The following CSMD1 variants were observed in gnomAD, a reference collection of about 807,000 sequenced individuals.
The protein encoded by CSMD1 is CUB and Sushi multiple domains 1.
A neutral mutation model predicts 417.5 loss-of-function variants in CSMD1; 213 were observed. The observed-to-expected ratio is 0.51, with a 90% CI of 0.46 to 0.57. CSMD1 has a LOEUF of 0.57. Among genes scored for constraint, CSMD1 ranks in the 20% least tolerant of loss-of-function variants. The pLI is 0.00. For synonymous variants in CSMD1, 2,862 were observed against 1,736.8 expected (o/e 1.65, Z -16.11); for missense variants, 6,923 against 4,529.7 (o/e 1.53, Z -15.17).
At chr8:3,455,390 G>T (rs760521023) in intron 12 of CSMD1, among the ~76,000 whole-genome samples, 1 of 152,220 alleles carries the variant, frequency 6.6e-6, no homozygotes, top group Non-Finnish European at 1.5e-5. Flanking sequence ...GAGGCACTCT[G>T]ATTTTTAGAG....
At chr8:4,275,243 A>T (rs1796413549) in intron 3 of CSMD1, among the ~76,000 whole-genome samples, 1 of 152,152 alleles carries the variant, frequency 6.6e-6, no homozygotes, top group Admixed American at 6.5e-5. Flanking sequence ...TTTACAAATA[A>T]ATATGGGCGA....
chr8:4,823,983 G>A lies in CSMD1; in HGVS notation c.85+170349C>T, dbSNP rs189624267. On this transcript the variant is annotated intron_variant, in intron 1 of 69. Transcript: ENST00000635120. ...GTGCACACATACACACCCACGCATG[G>A]ACACACACATATACAATCATGGACA... Among the ~76,000 whole-genome samples the A allele has an allele frequency of 1.0e-3, 155 of 151,332 alleles. 2 individuals carry two copies. Among genetic ancestry groups the A allele is most frequent in the African/African-American group, 3.7e-3 (151 of 41,278 alleles).
At chr8:4,804,783 A>T (rs1798498783) in intron 1 of CSMD1, among the ~76,000 whole-genome samples, 1 of 152,198 alleles carries the variant, frequency 6.6e-6, no homozygotes, top group Admixed American at 6.5e-5. Context: ...TGTTTACATG[A>T]TACAATTTAT....
At chr8:4,854,051 G>C (rs753832359) in intron 1 of CSMD1, among the ~76,000 whole-genome samples, 4 of 152,026 alleles carry the variant, frequency 2.6e-5, no homozygotes, top group Non-Finnish European at 5.9e-5. Flanking sequence ...TTATTTTACA[G>C]TCTCACAGGG....
chr8:4,595,522 A>T (rs1003487779), intron 2 of CSMD1, among the ~76,000 whole-genome samples: 11 of 152,030 alleles, frequency 7.2e-5, no homozygotes, highest in African/African-American at 2.7e-4. Context: ...CTTCATGCTA[A>T]TGTCTACTGT....
intron 7 of CSMD1, among the ~76,000 whole-genome samples, chr8:3,658,158 G>C (rs980654582): frequency 1.3e-5 from 2 of 152,022 alleles, no homozygotes; most frequent in Admixed American, 6.6e-5. Context: ...ATCTCTCTCA[G>C]AATGTAACTC....
chr8:4,458,982 G>C (rs146333437), intron 2 of CSMD1, among the ~76,000 whole-genome samples: 1 of 152,194 alleles, frequency 6.6e-6, no homozygotes, highest in Non-Finnish European at 1.5e-5. Flanking sequence ...GAACATCTCA[G>C]TGAGGATTCA....
chr8:4,039,514 G>T (rs1485619614), intron 3 of CSMD1, among the ~76,000 whole-genome samples: 1 of 152,146 alleles, frequency 6.6e-6, no homozygotes, highest in Non-Finnish European at 1.5e-5. Context: ...AAAGGAGAAG[G>T]TGCTGACAAA....
chr8:2,993,341 A>G (rs1409180281), intron 54 of CSMD1, among the ~76,000 whole-genome samples: 1 of 152,064 alleles, frequency 6.6e-6, no homozygotes, highest in East Asian at 1.9e-4. Flanking sequence ...GTAAGGTTAT[A>G]TTTTCCTCCT....
chr8:2,971,493 G>A (rs1349600305), intron 57 of CSMD1, among the ~76,000 whole-genome samples: 1 of 152,122 alleles, frequency 6.6e-6, no homozygotes, highest in African/African-American at 2.4e-5. Flanking sequence ...TTCAGGTTAC[G>A]CATTTCACTG....
chr8:4,024,854 T>C (rs750990889), intron 4 of CSMD1, among the ~76,000 whole-genome samples: 2 of 152,224 alleles, frequency 1.3e-5, no homozygotes, highest in African/African-American at 2.4e-5. Context: ...CTGCTGAGAA[T>C]TGTTTTCTTA....
Position 4,055,023 on chromosome 8 carries a change from C to T in CSMD1, c.416-22924G>A, listed in dbSNP as rs959082276. On this transcript the variant is annotated intron_variant, in intron 3 of 69. Coordinates refer to ENST00000635120, the MANE Select transcript of CSMD1 (RefSeq NM_033225.6). The stretch of plus-strand genomic sequence containing the variant: ...ATATAAATGTGTGTGAAGAAGGCGC[C>T]TATTTCACAAACTTACATGAATATA... Among the ~76,000 whole-genome samples, 10 of 152,240 alleles carry T rather than the reference C, an allele frequency of 6.6e-5. No homozygotes were observed. In the South Asian group the frequency reaches 8.3e-4, roughly 13 times the overall value.
chr8:3,905,405 C>G (rs1808047146), intron 5 of CSMD1, among the ~76,000 whole-genome samples: 1 of 152,140 alleles, frequency 6.6e-6, no homozygotes, highest in Non-Finnish European at 1.5e-5. Context: ...GGTAAGGCCA[C>G]AATTAACCAG....
chr8:4,040,231 A>G (rs550864920), intron 3 of CSMD1, among the ~76,000 whole-genome samples: 91 of 152,346 alleles, frequency 6.0e-4, no homozygotes, highest in African/African-American at 2.1e-3. Flanking sequence ...TAGTAATTCC[A>G]CTTCATTATT....
intron 1 of CSMD1, among the ~76,000 whole-genome samples, chr8:4,986,058 T>C (rs1811165065): frequency 6.6e-6 from 1 of 152,230 alleles, no homozygotes; most frequent in South Asian, 2.1e-4. Flanking sequence ...TACATCAAAG[T>C]ACACTACTTT....
chr8:2,964,449 C>A (rs1167941204), intron 59 of CSMD1, among the ~76,000 whole-genome samples: 1 of 152,140 alleles, frequency 6.6e-6, no homozygotes, highest in African/African-American at 2.4e-5. Context: ...CTACATGGGT[C>A]CCCTGGGGGC....
intron 37 of CSMD1, among the ~76,000 whole-genome samples, chr8:3,166,007 G>GA (rs1041729736): frequency 1.4e-4 from 21 of 152,116 alleles, no homozygotes; most frequent in African/African-American, 5.1e-4. Context: ...TTTTGGTACA[G>GA]AAAAAATTAG....
chr8:3,255,770 A>C (rs1160730381), intron 26 of CSMD1, among the ~76,000 whole-genome samples: 3 of 151,998 alleles, frequency 2.0e-5, no homozygotes, highest in African/African-American at 7.3e-5. Context: ...GTCTGTCAAC[A>C]CTTTCTTTGA....
At chr8:3,097,415 A>G (rs1011664015) in intron 46 of CSMD1, among the ~76,000 whole-genome samples, 16 of 151,870 alleles carry the variant, frequency 1.1e-4, no homozygotes, top group African/African-American at 3.9e-4. Flanking sequence ...TTATGCAATA[A>G]GAAAAGAAAA....
Sources: gnomAD v4.1 joint callset for allele counts (sites outside exome capture counted in the v4.1 genomes callset) on GRCh38, gnomAD v4.1.1 for gene constraint, MANE v1.5 for transcripts, NCBI Gene and HGNC (gene_info 2026-07-23, HGNC 2026-07-21) for gene names.